Variants in MCU observed in about 807,000 individuals in gnomAD.
MCU encodes the protein mitochondrial calcium uniporter.
MCU carries 12 observed loss-of-function variants against 45.2 expected under a neutral mutation model. The ratio of observed to expected loss-of-function variants is 0.27; its 90% CI spans 0.17 to 0.43. The LOEUF (loss-of-function observed/expected upper bound fraction) is 0.43. MCU is among the 20% of genes least tolerant of loss of function. The pLI, the probability that MCU is intolerant of heterozygous loss-of-function variation, is 1.00. For synonymous variants in MCU, 160 were observed against 165.1 expected (o/e 0.97, Z 0.24); for missense variants, 324 against 436.7 (o/e 0.74, Z 2.30).
At chr10:72,828,087 C>T (rs4085325) in intron 1 of MCU, among the ~76,000 whole-genome samples, 79,499 of 151,974 alleles carry the variant, frequency 0.52, 22,713 homozygotes, top group Non-Finnish European at 0.67. Context: ...TTGGAGTATC[C>T]GTATAAGCAC....
At chr10:72,741,380 C>T (rs1032014173) in intron 1 of MCU, among the ~76,000 whole-genome samples, 5 of 152,130 alleles carry the variant, frequency 3.3e-5, no homozygotes, top group African/African-American at 4.8e-5. Context: ...GGATTAAAGG[C>T]GTGAGCCACC....
intron 1 of MCU, chr10:72,715,165 T>A (rs1842942725): frequency 2.0e-6 from 2 of 985,636 alleles, no homozygotes; most frequent in Non-Finnish European, 1.2e-6. Flanking sequence ...TACCTCACTC[T>A]CCATGTACCA....
intron 1 of MCU, among the ~76,000 whole-genome samples, chr10:72,702,112 G>C (rs189137340): frequency 1.1e-4 from 17 of 151,738 alleles, no homozygotes; most frequent in East Asian, 3.9e-4. Flanking sequence ...TCATGGTTGG[G>C]GGGGAGGGGG....
chr10:72,725,156 C>T lies in MCU; in HGVS notation c.150+32855C>T, dbSNP rs1589433462. ...ATTTTTTTTTTTTGAGACGGAGTCT[C>T]GCTCTGTCACCCAGGCTGGAGTGCA... On this transcript the variant is annotated intron_variant, in intron 1 of 7. Transcript: ENST00000373053. Among the ~76,000 whole-genome samples, 6 of 151,302 alleles carry T rather than the reference C, an allele frequency of 4.0e-5. No individual in the cohort carries two copies. In the South Asian group the frequency reaches 1.0e-3, roughly 26 times the overall value.
At chr10:72,828,252 T>C (rs981732961) in intron 1 of MCU, among the ~76,000 whole-genome samples, 1 of 152,150 alleles carries the variant, frequency 6.6e-6, no homozygotes, top group African/African-American at 2.4e-5. Context: ...AGTGGTCATA[T>C]CCAAACTTAA....
chr10:72,782,660 G>A (rs763322246), intron 1 of MCU, among the ~76,000 whole-genome samples: 40 of 152,130 alleles, frequency 2.6e-4, no homozygotes, highest in Non-Finnish European at 3.8e-4. Flanking sequence ...GAGCTACCAC[G>A]CCCGGCCCAT....
At chr10:72,728,740 G>A (rs1402392220) in intron 1 of MCU, among the ~76,000 whole-genome samples, 1 of 152,184 alleles carries the variant, frequency 6.6e-6, no homozygotes, top group African/African-American at 2.4e-5. Context: ...AGGACACTCA[G>A]CTTATTTCCT....
chr10:72,692,619 C>T, intron 1 of MCU: 1 of 1,103,514 alleles, frequency 9.1e-7, no homozygotes, highest in Non-Finnish European at 1.1e-6. Context: ...TCCCTCCCTT[C>T]TTCGTTCTTA....
At chr10:72,713,947 TTGTGTGTGTG>T (rs72292523) in intron 1 of MCU, among the ~76,000 whole-genome samples, 16 of 139,100 alleles carry the variant, frequency 1.2e-4, no homozygotes, top group East Asian at 2.2e-4. Context: ...CTTTCATCAT[TTGTGTGTGTG>T]TGTGTGTGTG....
chr10:72,828,678 A>G (rs1446586736), intron 1 of MCU, among the ~76,000 whole-genome samples: 1 of 152,236 alleles, frequency 6.6e-6, no homozygotes, highest in African/African-American at 2.4e-5. Flanking sequence ...TGATCATAGT[A>G]AGGAATTTAA....
chr10:72,802,410 A>T (rs371926708), intron 1 of MCU, among the ~76,000 whole-genome samples: 6 of 110,310 alleles, frequency 5.4e-5, no homozygotes, highest in Admixed American at 9.9e-5. Context: ...AGCTTTCTTT[A>T]AAAAAAAAAA....
chr10:72,719,948 G>C (rs1254523324), intron 1 of MCU, among the ~76,000 whole-genome samples: 1 of 152,162 alleles, frequency 6.6e-6, no homozygotes, highest in African/African-American at 2.4e-5. Flanking sequence ...TGTGGCACAG[G>C]CTGGTCTTGA....
chr10:72,867,738 C>G (rs552964920), intron 4 of MCU, among the ~76,000 whole-genome samples: 1 of 151,630 alleles, frequency 6.6e-6, no homozygotes, highest in South Asian at 2.1e-4. Context: ...GCCTGTAGTC[C>G]CAGCTACTTG....
chr10:72,744,244 T>C (rs1216971281), intron 1 of MCU, among the ~76,000 whole-genome samples: 1 of 151,894 alleles, frequency 6.6e-6, no homozygotes, highest in African/African-American at 2.4e-5. Flanking sequence ...TTTTTTTTTT[T>C]TTTAAAGATT....
intron 1 of MCU, among the ~76,000 whole-genome samples, chr10:72,820,414 G>A (rs1844693024): frequency 1.3e-5 from 2 of 151,938 alleles, no homozygotes; most frequent in African/African-American, 4.8e-5. Flanking sequence ...GTTGCTGTAG[G>A]GTAAACATTT....
At chr10:72,767,457 C>T (rs1272167572) in intron 1 of MCU, among the ~76,000 whole-genome samples, 1 of 152,084 alleles carries the variant, frequency 6.6e-6, no homozygotes, top group Non-Finnish European at 1.5e-5. Context: ...TTTGTAATAT[C>T]AAATAGGTTC....
intron 1 of MCU, among the ~76,000 whole-genome samples, chr10:72,751,891 G>A (rs548499941): frequency 1.7e-4 from 25 of 151,282 alleles, no homozygotes; most frequent in African/African-American, 6.1e-4. Context: ...CCAGGCTGGA[G>A]TGCAGTGGTG....
At chr10:72,805,083 T>TTGTTTCTTTCTTTCTTTC (rs1844411191) in intron 1 of MCU, among the ~76,000 whole-genome samples, 2 of 143,590 alleles carry the variant, frequency 1.4e-5, no homozygotes. Context: ...GTTTGTTTCT[T>TTGTTTCTTTCTTTCTTTC]TCTTTCTTTC....
chr10:72,731,463 G>C (rs1390344751), intron 1 of MCU, among the ~76,000 whole-genome samples: 2 of 151,878 alleles, frequency 1.3e-5, no homozygotes, highest in African/African-American at 2.4e-5. Context: ...GGTCCAGTTC[G>C]CATAACATAA....
Sources: gnomAD v4.1 joint callset for allele counts (sites outside exome capture counted in the v4.1 genomes callset) on GRCh38, gnomAD v4.1.1 for gene constraint, MANE v1.5 for transcripts, NCBI Gene and HGNC (gene_info 2026-07-23, HGNC 2026-07-21) for gene names.